Variants in ZNF337 observed in about 807,000 individuals in gnomAD.
The protein encoded by ZNF337 is zinc finger protein 337.
In ZNF337, 8 loss-of-function variants were observed where a neutral mutation model predicts 12.1. That is an observed-to-expected ratio of 0.66 (90% CI 0.39 to 1.19). The LOEUF is 1.19. ZNF337 is among the 50% of genes most tolerant of loss of function. The pLI is 0.01. For synonymous variants in ZNF337, 336 were observed against 320.0 expected, an observed-to-expected ratio of 1.05 and a Z score of -0.53; for missense variants, 882 against 896.6, an observed-to-expected ratio of 0.98 and a Z score of 0.21.
chr20:25,688,982 ACAAAAAATAG>A (rs1383824829), intron 1 of ZNF337, among the ~76,000 whole-genome samples: 1 of 152,024 alleles, frequency 6.6e-6, no homozygotes, highest in African/African-American at 2.4e-5. Flanking sequence ...ACAAAAAAAT[ACAAAAAATAG>A]CCGGGAGTGG....
intron 4 of ZNF337, among the ~76,000 whole-genome samples, chr20:25,679,554 T>C (rs931397456): frequency 6.6e-6 from 1 of 152,042 alleles, no homozygotes; most frequent in African/African-American, 2.4e-5. Flanking sequence ...GCAACAGGTA[T>C]ACGAAAAAAT....
intron 1 of ZNF337, 179 bp from the exon 2 acceptor site, chr20:25,686,645 A>C (rs2065836529): frequency 1.9e-4 from 109 of 566,556 alleles, no homozygotes; most frequent in East Asian, 3.0e-4. Context: ...GGACAAGCTC[A>C]TCTGGGAGTG....
intron 1 of ZNF337, chr20:25,686,736 G>GTCT: frequency 2.4e-6 from 1 of 411,318 alleles, no homozygotes. Context: ...TGCAGATGAG[G>GTCT]TCTTGCATTT....
Position 25,674,466 on chromosome 20 carries a change from C to T in ZNF337, c.*566G>A, listed in dbSNP as rs2065651164. ...CATTCGCAAAGCTCTATCTTCGTGA[C>T]TTGACTTAATCACTTCCCAAAGGTC... On this transcript the variant is annotated 3_prime_UTR_variant, in exon 5 of 5. Coordinates refer to ENST00000252979, the MANE Select transcript of ZNF337 (RefSeq NM_015655.4). The T allele has an allele frequency of 6.5e-6, 1 of 152,834 alleles. No homozygotes were observed. The highest frequency in any genetic ancestry group is 1.5e-5 in the Non-Finnish European group (1 of 68,512). 9.5% of individuals were successfully genotyped at this position (152,834 alleles called of 1,614,324 possible). A position where few individuals can be genotyped will look rare whatever the true frequency, so the allele number is the denominator to read the frequency against.
intron 1 of ZNF337, among the ~76,000 whole-genome samples, chr20:25,691,413 T>C (rs2065881472): frequency 6.6e-6 from 1 of 152,146 alleles, no homozygotes; most frequent in South Asian, 2.1e-4. Flanking sequence ...AAGACAGACA[T>C]GAATCTACAA....
At chr20:25,688,770 G>C (rs1188100606) in intron 1 of ZNF337, among the ~76,000 whole-genome samples, 1 of 152,208 alleles carries the variant, frequency 6.6e-6, no homozygotes, top group African/African-American at 2.4e-5. Context: ...GCTGAAAGCT[G>C]ATTCATCCAA....
intron 1 of ZNF337, among the ~76,000 whole-genome samples, chr20:25,694,908 T>G (rs775041298): frequency 2.0e-5 from 3 of 152,178 alleles, no homozygotes; most frequent in Non-Finnish European, 2.9e-5. Flanking sequence ...GTGGGAAAAT[T>G]TGCATCTGCA....
chr20:25,696,659 T>G (rs2065934592), intron 1 of ZNF337, 100 bp downstream of exon 1: 1 of 842,820 alleles, frequency 1.2e-6, no homozygotes, highest in South Asian at 5.4e-5. Flanking sequence ...GAGCGCGCGC[T>G]ACGGCCCCAG....
chr20:25,695,085 A>G (rs1420990154), intron 1 of ZNF337, among the ~76,000 whole-genome samples: 1 of 152,170 alleles, frequency 6.6e-6, no homozygotes. Context: ...AGCCTCAGCA[A>G]CATGGTGAAA....
intron 4 of ZNF337, among the ~76,000 whole-genome samples, chr20:25,684,714 T>C (rs150458066): frequency 0.011 from 1,701 of 152,276 alleles, 13 homozygotes; most frequent in African/African-American, 0.028. Context: ...AGCAAAGTCT[T>C]GGAACCAACC....
At chr20:25,690,870 A>G (rs1342077412) in intron 1 of ZNF337, among the ~76,000 whole-genome samples, 1 of 152,222 alleles carries the variant, frequency 6.6e-6, no homozygotes, top group Non-Finnish European at 1.5e-5. Context: ...CTCCCTGGAA[A>G]AGAGTCAGTC....
Position 25,686,046 on chromosome 20 carries a change from G to T in ZNF337, c.104C>A (p.Ala35Asp). 6.2e-7 allele frequency: 1 copy of T among 1,614,064 alleles called. No individual in the cohort carries two copies. The highest frequency in any genetic ancestry group is 8.5e-7 in the Non-Finnish European group (1 of 1,179,978). The stretch of plus-strand genomic sequence containing the variant: ...CTCCAGTGTCACCTCCCTGTACAGG[G>T]CCCTCTGAGCAGGGCTCAGCAGCCT... ...EWRLLSPAQR[A>D]LYREVTLENY... is the part of the protein sequence containing the mutation. Residue 35 changes from alanine to aspartate, a missense_variant, in exon 3 of 5, where the codon GCC becomes GAC. Coordinates refer to ENST00000252979, the MANE Select transcript of ZNF337 (RefSeq NM_015655.4).
Position 25,675,791 on chromosome 20 carries a change from A to C in ZNF337, c.1497T>G (p.Asp499Glu). Residue 499 changes from aspartate (D) to glutamate (E), a missense_variant, in exon 5 of 5, where the codon GAT becomes GAG. Coordinates refer to ENST00000252979, the MANE Select transcript of ZNF337 (RefSeq NM_015655.4). ...GCRECGRRFR[D>E]KSSYNKHLRA... is the part of the protein sequence containing the mutation. ...TCAGGTGCTTGTTATAGGAGGACTT[A>C]TCCCGAAACCTTCGCCCACACTCCC... 6.2e-7 allele frequency: 1 copy of C among 1,613,012 alleles called. No homozygotes were observed. The highest frequency in any genetic ancestry group is 8.5e-7 in the Non-Finnish European group (1 of 1,179,714).
intron 1 of ZNF337, among the ~76,000 whole-genome samples, chr20:25,695,376 G>C (rs1383811551): frequency 6.6e-6 from 1 of 152,180 alleles, no homozygotes; most frequent in Non-Finnish European, 1.5e-5. Context: ...TAAGAACTTT[G>C]ATCTACGCAA....
chr20:25,691,722 C>T (rs539452808), intron 1 of ZNF337, among the ~76,000 whole-genome samples: 1 of 152,244 alleles, frequency 6.6e-6, no homozygotes, highest in East Asian at 1.9e-4. Context: ...CAGACTCTCA[C>T]TGTTCTCAGA....
chr20:25,677,218 C>A (rs1483786217), intron 4 of ZNF337, 181 bp from the exon 5 acceptor site: 2 of 594,140 alleles, frequency 3.4e-6, no homozygotes, highest in Non-Finnish European at 5.7e-6. Context: ...CTTCCTAACT[C>A]ATTCTAAAAG....
chr20:25,693,562 C>T (rs535113509), intron 1 of ZNF337, among the ~76,000 whole-genome samples: 11 of 152,302 alleles, frequency 7.2e-5, no homozygotes, highest in African/African-American at 2.4e-4. Context: ...GTCTGCACCA[C>T]GAATGCAGCA....
intron 1 of ZNF337, among the ~76,000 whole-genome samples, chr20:25,687,648 A>G (rs2065846983): frequency 1.3e-5 from 2 of 152,230 alleles, no homozygotes; most frequent in African/African-American, 4.8e-5. Context: ...ATTAAGCTGA[A>G]AGCTAAGTCA....
chr20:25,685,855 G>T, intron 3 of ZNF337, 141 bp downstream of exon 3: 2 of 1,340,452 alleles, frequency 1.5e-6, no homozygotes, highest in Non-Finnish European at 2.1e-6. Flanking sequence ...GTGCCCAGTG[G>T]CAGTCAGTAT....
Sources: allele counts gnomAD v4.1 joint callset (sites outside exome capture counted in the v4.1 genomes callset), GRCh38; gene constraint gnomAD v4.1.1; transcripts MANE v1.5; gene names NCBI Gene and HGNC (gene_info 2026-07-23, HGNC 2026-07-21).